The following CACNA1E variants were observed in gnomAD, a reference collection of about 807,000 sequenced individuals.
CACNA1E encodes the protein calcium voltage-gated channel subunit alpha1 E.
Under a neutral mutation model 259.2 loss-of-function variants are expected in CACNA1E, and 40 were observed. The observed-to-expected ratio is 0.15, with a 90% CI of 0.12 to 0.20. The LOEUF (loss-of-function observed/expected upper bound fraction) is 0.20, where lower values mean the gene tolerates loss of function less well. Ranked by LOEUF, CACNA1E falls within the 10% of genes least tolerant of loss-of-function variation. CACNA1E has a pLI of 1.00. For synonymous variants in CACNA1E, 1,104 were observed against 1,138.5 expected, an observed-to-expected ratio of 0.97 and a Z score of 0.61; for missense variants, 1,874 against 3,040.1, an observed-to-expected ratio of 0.62 and a Z score of 9.02.
At chr1:181,725,835 C>T (rs1335637612) in intron 17 of CACNA1E, among the ~76,000 whole-genome samples, 3 of 152,246 alleles carry the variant, frequency 2.0e-5, no homozygotes, top group Non-Finnish European at 4.4e-5. Context: ...AGGATGGAGA[C>T]AGGGATTGCT....
intron 6 of CACNA1E, among the ~76,000 whole-genome samples, chr1:181,589,043 C>G (rs1652372206): frequency 6.6e-6 from 1 of 152,174 alleles, no homozygotes; most frequent in South Asian, 2.1e-4. Context: ...TTTTCATGCC[C>G]TTCAGAGTGT....
At chr1:181,356,655 G>A (rs961216707) in intron 1 of CACNA1E, among the ~76,000 whole-genome samples, 2 of 152,180 alleles carry the variant, frequency 1.3e-5, no homozygotes, top group Non-Finnish European at 2.9e-5. Context: ...GGCTCTTCAG[G>A]CCTCAGCCTT....
intron 7 of CACNA1E, among the ~76,000 whole-genome samples, chr1:181,686,965 G>A (rs1258377007): frequency 6.6e-6 from 1 of 151,976 alleles, no homozygotes; most frequent in Non-Finnish European, 1.5e-5. Flanking sequence ...AATTTTTATT[G>A]TATTCCTACT....
At chr1:181,395,881 C>A (rs569912763) in intron 1 of CACNA1E, among the ~76,000 whole-genome samples, 3 of 152,324 alleles carry the variant, frequency 2.0e-5, no homozygotes, top group African/African-American at 4.8e-5. Flanking sequence ...TATTTGCTAT[C>A]TATCATTGTG....
intron 2 of CACNA1E, among the ~76,000 whole-genome samples, chr1:181,442,007 T>C (rs1660504294): frequency 1.3e-5 from 2 of 152,188 alleles, no homozygotes; most frequent in Admixed American, 6.5e-5. Context: ...TTGCAGGTTG[T>C]GTTGTCAACA....
rs756945302 is a variant in CACNA1E at position 181,384,317 on chromosome 1, C to A, written c.-14-28816C>A. Among the ~76,000 whole-genome samples the A allele has an allele frequency of 2.0e-5, 3 of 152,186 alleles. No homozygotes were observed. The South Asian group carries it at 6.2e-4, about 32-fold the overall frequency. ...AGTATACATCTCAGCTGGATACCAA[C>A]GTGGCTGGACAAACCCAGTATCTAA... is the stretch of plus-strand genomic sequence containing the variant. On this transcript the variant is annotated intron_variant, in intron 1 of 11. Coordinates refer to the CACNA1E transcript ENST00000524607.
At chr1:181,715,941 C>A (rs989405258) in intron 9 of CACNA1E, 99 bp from the exon 10 acceptor site, 2 of 732,070 alleles carry the variant, frequency 2.7e-6, no homozygotes, top group Non-Finnish European at 4.9e-6. Flanking sequence ...GTTACAGGGG[C>A]CTCACACAAG....
intron 3 of CACNA1E, among the ~76,000 whole-genome samples, chr1:181,540,084 T>C (rs1017409695): frequency 6.6e-6 from 1 of 152,212 alleles, no homozygotes; most frequent in African/African-American, 2.4e-5. Flanking sequence ...GTGCTTGTGA[T>C]GCACAGTTAG....
In CACNA1E at chr1:181,580,710, C is replaced by A; in HGVS notation, c.885C>A (p.Ile295=). The change falls in exon 6 of 48, where the codon ATC becomes ATA. Residue 295 remains isoleucine (I), a synonymous_variant. Transcript: ENST00000367573. ...PNDGITQFDN[I]LFAVLTVFQC... ...ATGGGATCACCCAGTTTGATAACATCCTTTTTGCTGTGCTGACTGTCTTCC... is the reference window on the plus strand; with the variant it reads ...ATGGGATCACCCAGTTTGATAACATACTTTTTGCTGTGCTGACTGTCTTCC... The A allele has an allele frequency of 6.2e-7, 1 of 1,614,044 alleles. No homozygotes were observed. The highest frequency in any genetic ancestry group is 8.5e-7 in the Non-Finnish European group (1 of 1,179,900).
chr1:181,409,626 A>G (rs1197318786), intron 1 of CACNA1E, among the ~76,000 whole-genome samples: 3 of 152,202 alleles, frequency 2.0e-5, no homozygotes, highest in Non-Finnish European at 4.4e-5. Context: ...TATAGATTCG[A>G]GTGTCCTTTC....
At chr1:181,689,342 C>T (rs1053600598) in intron 7 of CACNA1E, among the ~76,000 whole-genome samples, 6 of 152,116 alleles carry the variant, frequency 3.9e-5, no homozygotes, top group Non-Finnish European at 8.8e-5. Context: ...TAGTATTCCA[C>T]GATGTATATG....
chr1:181,330,366 T>C (rs1651163705), intron 1 of CACNA1E, among the ~76,000 whole-genome samples: 1 of 152,140 alleles, frequency 6.6e-6, no homozygotes, highest in Non-Finnish European at 1.5e-5. Context: ...CAGTTTCTTA[T>C]GGCTGAAACC....
chr1:181,729,897 G>A (rs1315768138), intron 18 of CACNA1E, among the ~76,000 whole-genome samples: 2 of 152,218 alleles, frequency 1.3e-5, no homozygotes, highest in Admixed American at 6.5e-5. Context: ...TGTCTAAAGC[G>A]TACGCTTCTA....
intron 38 of CACNA1E, among the ~76,000 whole-genome samples, chr1:181,778,966 G>T (rs569054340): frequency 1.3e-5 from 2 of 152,336 alleles, no homozygotes; most frequent in Middle Eastern, 3.4e-3. Flanking sequence ...GCAGAAAGCC[G>T]CTGACTTCCC....
At chr1:181,321,366 G>T (rs1053607857) in intron 1 of CACNA1E, among the ~76,000 whole-genome samples, 1 of 152,146 alleles carries the variant, frequency 6.6e-6, no homozygotes, top group Non-Finnish European at 1.5e-5. Flanking sequence ...AATCCTACCT[G>T]GGGTGGTGGA....
chr1:181,423,662 A>ATTGTTTTTTTTTTTTTT (rs1658929690), intron 2 of CACNA1E, among the ~76,000 whole-genome samples: 1 of 130,998 alleles, frequency 7.6e-6, no homozygotes, highest in African/African-American at 3.0e-5. Flanking sequence ...CATTGGGCCA[A>ATTGTTTTTTTTTTTTTT]TTTTTTTTTT....
At chr1:181,622,884 A>G (rs1274347540) in intron 6 of CACNA1E, among the ~76,000 whole-genome samples, 1 of 152,222 alleles carries the variant, frequency 6.6e-6, no homozygotes. Context: ...GCTTAAAAAA[A>G]CCGCGACAGC....
chr1:181,534,309 T>C (rs1364195770), intron 3 of CACNA1E, among the ~76,000 whole-genome samples: 1 of 152,148 alleles, frequency 6.6e-6, no homozygotes, highest in African/African-American at 2.4e-5. Context: ...ATTGACATTA[T>C]TGTGGGTGCT....
At chr1:181,424,898 T>A (rs1445586150) in intron 2 of CACNA1E, among the ~76,000 whole-genome samples, 1 of 152,036 alleles carries the variant, frequency 6.6e-6, no homozygotes, top group African/African-American at 2.4e-5. Flanking sequence ...ATCAGTCCCC[T>A]CTCTCCCACC....
Sources: allele counts gnomAD v4.1 joint callset (sites outside exome capture counted in the v4.1 genomes callset), GRCh38; gene constraint gnomAD v4.1.1; transcripts MANE v1.5; gene names NCBI Gene and HGNC (gene_info 2026-07-23, HGNC 2026-07-21).